STAT5B: variants seen among roughly 807,000 people sequenced by gnomAD.
The protein encoded by STAT5B is signal transducer and activator of transcription 5B, also known as transcription factor STAT5B.
Under a neutral mutation model 107.8 loss-of-function variants are expected in STAT5B, and 21 were observed. That is an observed-to-expected ratio of 0.19 (90% CI 0.14 to 0.28). The LOEUF is 0.28. Among genes scored for constraint, STAT5B ranks in the 10% least tolerant of loss-of-function variants. The pLI is 1.00. For missense variants in STAT5B, 565 were observed against 1,008.2 expected (o/e 0.56, Z 5.95); for synonymous variants, 325 against 401.7 (o/e 0.81, Z 2.28).
chr17:42,202,014 C>A, intron 18 of STAT5B, 150 bp from the exon 19 acceptor site: 1 of 742,474 alleles, frequency 1.3e-6, no homozygotes, highest in Non-Finnish European at 2.3e-6. Flanking sequence ...AAACAGCTGG[C>A]TGTACAGCAA....
At chr17:42,232,225 G>T in intron 1 of STAT5B, 88 bp from the exon 2 acceptor site, 1 of 1,344,140 alleles carries the variant, frequency 7.4e-7, no homozygotes, top group Non-Finnish European at 9.8e-7. Flanking sequence ...AGTTACCAAG[G>T]TAAATGTTTT....
At position 42,223,317 on chromosome 17, in the gene STAT5B, A is replaced by G. The variant is rs80265153; in HGVS notation, c.550+65T>C. ...AAGTGTGCTTTCTCCCAACCCCACC[A>G]GAGCTGCTTTCCAGTCCCCAGGCCC... is the stretch of plus-strand genomic sequence containing the variant. On this transcript the variant is annotated intron_variant, in intron 5 of 18. Transcript: ENST00000293328. 2.6e-3 allele frequency: 4,201 copies of G among 1,611,862 alleles called. 98 individuals carry two copies. In the African/African-American group the frequency reaches 0.05, roughly 19 times the overall value.
intron 15 of STAT5B, among the ~76,000 whole-genome samples, chr17:42,208,898 A>AT (rs1377404310): frequency 6.6e-6 from 1 of 151,684 alleles, no homozygotes; most frequent in African/African-American, 2.4e-5. Flanking sequence ...CACCCGGCTA[A>AT]TTTTTTTGTG....
Position 42,207,164 on chromosome 17 carries a change from T to C in STAT5B, c.2077+394A>G, listed in dbSNP as rs372754210. Among the ~76,000 whole-genome samples the C allele has an allele frequency of 1.5e-4, 23 of 152,276 alleles. No homozygotes were observed. The South Asian group carries it at 4.8e-3, about 32-fold the overall frequency. The stretch of plus-strand genomic sequence containing the variant: ...CTGGGATTACAGGCATGACCCACCG[T>C]ACCCAGCCTGTTTTCTTTTTTATGC... On this transcript the variant is annotated intron_variant, in intron 16 of 18. Transcript: ENST00000293328.
intron 1 of STAT5B, among the ~76,000 whole-genome samples, chr17:42,239,487 T>A (rs1039513353): frequency 2.0e-5 from 3 of 152,084 alleles, no homozygotes; most frequent in African/African-American, 7.2e-5. Flanking sequence ...TAAATAAAAA[T>A]AAACTTCAGA....
intron 11 of STAT5B, 77 bp downstream of exon 11, chr17:42,217,083 A>T: frequency 6.4e-7 from 1 of 1,552,460 alleles, no homozygotes; most frequent in Non-Finnish European, 8.7e-7. Flanking sequence ...ATGTGATAAA[A>T]AAAAAATATT....
intron 1 of STAT5B, among the ~76,000 whole-genome samples, chr17:42,250,175 G>A (rs751120982): frequency 2.6e-5 from 4 of 152,130 alleles, no homozygotes; most frequent in Non-Finnish European, 5.9e-5. Context: ...ACCCCATGTC[G>A]TTGGCTCTAT....
At chr17:42,256,004 C>T (rs1038188763) in intron 1 of STAT5B, among the ~76,000 whole-genome samples, 1 of 152,096 alleles carries the variant, frequency 6.6e-6, no homozygotes, top group African/African-American at 2.4e-5. Flanking sequence ...AGGAGAATTG[C>T]TTGAATCCAG....
At position 42,201,524 on chromosome 17, in the gene STAT5B, GCACACACACACACACACACACA is replaced by G. The variant is rs57573850; in HGVS notation, c.*192_*213del. On this transcript the variant is annotated 3_prime_UTR_variant, in exon 19 of 19. Transcript: ENST00000293328. ...GAGAAACACCATAACGTGCAAACAC[GCACACACACACACACACACACA>G]CACACACAAACACATACTCGCACTC... 2 of 617,318 alleles carry G rather than the reference GCACACACACACACACACACACA, an allele frequency of 3.2e-6. No individual in the cohort carries two copies. The allele number at this position is 617,318 out of a possible 1,614,324, so 38.2% of individuals were successfully genotyped here. A position where few individuals can be genotyped will look rare whatever the true frequency, so the allele number is the denominator to read the frequency against.
chr17:42,242,914 T>C (rs1598322867), intron 1 of STAT5B, among the ~76,000 whole-genome samples: 1 of 152,206 alleles, frequency 6.6e-6, no homozygotes, highest in East Asian at 1.9e-4. Context: ...GTTAAACAGA[T>C]GCTTGAAGGC....
intron 2 of STAT5B, among the ~76,000 whole-genome samples, chr17:42,230,666 T>A (rs922824529): frequency 3.3e-5 from 5 of 152,004 alleles, no homozygotes; most frequent in Non-Finnish European, 5.9e-5. Context: ...CGTTTAGTTT[T>A]GTTTTTTTTT....
intron 5 of STAT5B, among the ~76,000 whole-genome samples, chr17:42,222,056 T>G (rs1008207457): frequency 1.4e-5 from 2 of 142,198 alleles, no homozygotes; most frequent in Non-Finnish European, 3.1e-5. Context: ...GCTGTGTGTC[T>G]GTGTGTGTGC....
chr17:42,249,850 C>T (rs1177162023), intron 1 of STAT5B, among the ~76,000 whole-genome samples: 4 of 151,880 alleles, frequency 2.6e-5, no homozygotes, highest in South Asian at 2.1e-4. Context: ...TTAGTAGAAA[C>T]GGGGCTTCAT....
chr17:42,264,012 T>C (rs1181109258), intron 1 of STAT5B, among the ~76,000 whole-genome samples: 1 of 152,072 alleles, frequency 6.6e-6, no homozygotes, highest in Non-Finnish European at 1.5e-5. Flanking sequence ...CATTTAGTAA[T>C]ATATAGTGAA....
chr17:42,288,256 G>A, the STAT5B span: 3 of 152,256 alleles, frequency 2.0e-5, no homozygotes, highest in South Asian at 6.2e-4. This position sits in a 1 kb window ranked among gnomAD's most constrained non-coding sequence, Gnocchi z 4.8. Context: ...GGGAGCCGCC[G>A]CCGAGGGCCT....
intron 1 of STAT5B, among the ~76,000 whole-genome samples, chr17:42,258,992 T>C (rs552308153): frequency 6.6e-6 from 1 of 152,336 alleles, no homozygotes; most frequent in South Asian, 2.1e-4. Flanking sequence ...ATGTATTTTA[T>C]AAAAATGAAG....
intron 16 of STAT5B, 135 bp from the exon 17 acceptor site, chr17:42,202,943 ATT>A: frequency 1.6e-6 from 2 of 1,235,562 alleles, no homozygotes; most frequent in South Asian, 2.5e-5. Context: ...AGCACTTAAT[ATT>A]TTTTTGTTTT....
chr17:42,233,790 G>C (rs1411205007), intron 1 of STAT5B: 1 of 152,080 alleles, frequency 6.6e-6, no homozygotes, highest in South Asian at 2.1e-4. Context: ...GCACCCAGCC[G>C]GTAGTTTCTT....
chr17:42,235,982 T>C (rs2080353735), intron 1 of STAT5B, among the ~76,000 whole-genome samples: 1 of 152,214 alleles, frequency 6.6e-6, no homozygotes, highest in Non-Finnish European at 1.5e-5. Flanking sequence ...TATTAAAAAA[T>C]GTCACTCTAT....
Sources: gnomAD v4.1 joint callset for allele counts (sites outside exome capture counted in the v4.1 genomes callset) on GRCh38, gnomAD v4.1.1 for gene constraint, Gnocchi (gnomAD v3.1) non-coding constraint, MANE v1.5 for transcripts, NCBI Gene and HGNC (gene_info 2026-07-23, HGNC 2026-07-21) for gene names.